The following FBRSL1 variants were observed in gnomAD, a reference collection of about 807,000 sequenced individuals.
FBRSL1 encodes the protein fibrosin-1-like protein.
FBRSL1 carries 51 observed loss-of-function variants against 89.6 expected under a neutral mutation model. The ratio of observed to expected loss-of-function variants is 0.57; its 90% CI spans 0.45 to 0.72. FBRSL1 has a LOEUF of 0.72. FBRSL1 is among the 30% of genes least tolerant of loss of function. FBRSL1 has a pLI of 0.00. For synonymous variants in FBRSL1, 779 were observed against 681.1 expected, an observed-to-expected ratio of 1.14 and a Z score of -2.24; for missense variants, 1,618 against 1,451.8, an observed-to-expected ratio of 1.11 and a Z score of -1.86.
At chr12:132,539,178 G>A (rs1011006478) in intron 4 of FBRSL1, among the ~76,000 whole-genome samples, 3 of 152,168 alleles carry the variant, frequency 2.0e-5, no homozygotes, top group Middle Eastern at 3.4e-3. Context: ...CTTTCCAGGC[G>A]CCTGCTCTTC....
Position 132,511,647 on chromosome 12 carries a change from G to A in FBRSL1, c.489+3297G>A, listed in dbSNP as rs980660672. ...GTGACAGGAGGCTCTGGTCCTGCAG[G>A]CCTGGTCTTGCCCAGCTGGGCTGCC... On this transcript the variant is annotated intron_variant, in intron 2 of 18. Coordinates refer to ENST00000680143, the MANE Select transcript of FBRSL1 (RefSeq NM_001367871.1). 6.1e-6 allele frequency: 6 copies of A among 985,554 alleles called. No individual in the cohort carries two copies. In the African/African-American group the frequency reaches 1.0e-4, roughly 17 times the overall value. 61.1% of individuals were successfully genotyped at this position (985,554 alleles called of 1,614,324 possible).
At chr12:132,558,179 C>T (rs1233084411) in intron 5 of FBRSL1, among the ~76,000 whole-genome samples, 1 of 152,220 alleles carries the variant, frequency 6.6e-6, no homozygotes, top group Admixed American at 6.5e-5. Context: ...CTGACCTTAA[C>T]CCTGACTTAT....
In FBRSL1 at chr12:132,584,515, AG is replaced by A. The variant is rs1566263370; in HGVS notation, c.*738del. The A allele has an allele frequency of 1.3e-5, 2 of 152,254 alleles. No individual in the cohort carries two copies. Among genetic ancestry groups the A allele is most frequent in the East Asian group, 3.8e-4 (2 of 5,198 alleles). The allele number at this position is 152,254 out of a possible 1,614,324, so 9.4% of individuals were successfully genotyped here. On this transcript the variant is annotated 3_prime_UTR_variant, in exon 19 of 19. Coordinates refer to ENST00000680143, the MANE Select transcript of FBRSL1 (RefSeq NM_001367871.1). ...GGCGCTGCTGGCTGTAAACATTATC[AG>A]AAGTTTAATGGCAGCAACTTTCCTT...
intron 5 of FBRSL1, among the ~76,000 whole-genome samples, chr12:132,562,825 C>T (rs944801874): frequency 2.0e-5 from 3 of 152,112 alleles, no homozygotes; most frequent in Non-Finnish European, 2.9e-5. Context: ...GCCCTTGCGA[C>T]GTGACTAGGA....
At chr12:132,518,738 G>C (rs948251894) in intron 2 of FBRSL1, among the ~76,000 whole-genome samples, 1 of 136,098 alleles carries the variant, frequency 7.3e-6, no homozygotes, top group Non-Finnish European at 1.6e-5. Flanking sequence ...TTCACCCCAT[G>C]CATCCATCCA....
rs1365001070 is a variant in FBRSL1 at position 132,546,965 on chromosome 12, C to T, written c.616-1038C>T. ...CAGTGGGCTCCACATAGGAGGGCGC[C>T]GCCCACACATCCGGCTGGCACTCAC... is the stretch of plus-strand genomic sequence containing the variant. On this transcript the variant is annotated intron_variant, in intron 4 of 18. Transcript: ENST00000680143. This position sits in a 1 kb window ranked among gnomAD's most constrained non-coding sequence, Gnocchi z 4.0. Among the ~76,000 whole-genome samples the T allele has an allele frequency of 2.0e-5, 3 of 152,248 alleles. No individual in the cohort carries two copies. The highest frequency in any genetic ancestry group is 2.1e-4 in the South Asian group (1 of 4,836).
chr12:132,495,367 G>A lies in FBRSL1; in HGVS notation c.291+4506G>A, dbSNP rs555169021. On this transcript the variant is annotated intron_variant, in intron 1 of 18. Coordinates refer to ENST00000680143, the MANE Select transcript of FBRSL1 (RefSeq NM_001367871.1). Reference sequence around the variant, plus strand: ...GCCTGACAGTGTCACTTGGACCTCCGGGGACCGCTGAGGCCACACTGTTGG... The same window carrying A: ...GCCTGACAGTGTCACTTGGACCTCCAGGGACCGCTGAGGCCACACTGTTGG... Among the ~76,000 whole-genome samples the A allele has an allele frequency of 5.9e-5, 9 of 152,356 alleles. No homozygotes were observed. The East Asian group carries it at 1.2e-3, about 20-fold the overall frequency.
At chr12:132,518,124 C>A (rs2035009057) in intron 2 of FBRSL1, among the ~76,000 whole-genome samples, 1 of 152,140 alleles carries the variant, frequency 6.6e-6, no homozygotes, top group South Asian at 2.1e-4. Flanking sequence ...CTGCACTTGC[C>A]CACACACACT....
chr12:132,517,498 A>G (rs2034950455), intron 2 of FBRSL1, among the ~76,000 whole-genome samples: 1 of 152,242 alleles, frequency 6.6e-6, no homozygotes, highest in Non-Finnish European at 1.5e-5. Flanking sequence ...CTGCAGTGAC[A>G]AACAAGACAA....
chr12:132,491,087 T>A (rs1376141602), intron 1 of FBRSL1, among the ~76,000 whole-genome samples: 1 of 152,178 alleles, frequency 6.6e-6, no homozygotes, highest in Non-Finnish European at 1.5e-5. Context: ...TTGGGGACGT[T>A]TTAAGTTGCA....
chr12:132,509,418 C>T, intron 2 of FBRSL1: 3 of 1,242,790 alleles, frequency 2.4e-6, no homozygotes, highest in Non-Finnish European at 3.0e-6. Context: ...ACTTCTGGGC[C>T]CCGGTCAGCC....
chr12:132,491,938 G>A (rs1292393766), intron 1 of FBRSL1, among the ~76,000 whole-genome samples: 3 of 152,220 alleles, frequency 2.0e-5, no homozygotes, highest in Non-Finnish European at 2.9e-5. Flanking sequence ...CGGGGTGGGT[G>A]GTGGCCAGGC....
intron 2 of FBRSL1, among the ~76,000 whole-genome samples, chr12:132,512,191 G>A (rs1339862173): frequency 6.6e-6 from 1 of 152,262 alleles, no homozygotes; most frequent in Non-Finnish European, 1.5e-5. Context: ...GCTACTGTGT[G>A]GGCCAGTGTG....
intron 4 of FBRSL1, among the ~76,000 whole-genome samples, chr12:132,528,203 C>T (rs905443501): frequency 1.3e-5 from 2 of 152,136 alleles, no homozygotes; most frequent in Non-Finnish European, 2.9e-5. Context: ...GTCCTGCTCA[C>T]GGTTTGCCAG....
chr12:132,501,703 A>G (rs1053270997), intron 1 of FBRSL1, among the ~76,000 whole-genome samples: 4 of 152,188 alleles, frequency 2.6e-5, no homozygotes, highest in Non-Finnish European at 5.9e-5. Flanking sequence ...GGGAGGGGCC[A>G]GGACAGGGGC....
chr12:132,580,240 A>G (rs1166134846), intron 15 of FBRSL1, among the ~76,000 whole-genome samples: 1 of 152,042 alleles, frequency 6.6e-6, no homozygotes, highest in East Asian at 1.9e-4. Flanking sequence ...GGCAGGCGCC[A>G]CTACACCTGG....
chr12:132,523,747 CG>C (rs2035558614), intron 2 of FBRSL1, among the ~76,000 whole-genome samples: 1 of 152,208 alleles, frequency 6.6e-6, no homozygotes, highest in African/African-American at 2.4e-5. Flanking sequence ...CCCAGGGGGC[CG>C]GTGATACACG....
At chr12:132,580,877 G>C (rs865808844) in intron 15 of FBRSL1, 2 of 985,280 alleles carry the variant, frequency 2.0e-6, no homozygotes, top group South Asian at 9.4e-5. Context: ...CCCAGGGCCC[G>C]GGCCCAGGCC....
intron 1 of FBRSL1, among the ~76,000 whole-genome samples, chr12:132,493,670 GAC>G (rs2031500765): frequency 6.6e-6 from 1 of 152,146 alleles, no homozygotes; most frequent in Non-Finnish European, 1.5e-5. Context: ...CCCTGGATGG[GAC>G]ACACAGGCTG....
Sources: gnomAD v4.1 joint callset for allele counts (sites outside exome capture counted in the v4.1 genomes callset) on GRCh38, gnomAD v4.1.1 for gene constraint, Gnocchi (gnomAD v3.1) non-coding constraint, MANE v1.5 for transcripts, NCBI Gene and HGNC (gene_info 2026-07-23, HGNC 2026-07-21) for gene names.